Variants in ERN1 observed in about 807,000 individuals in gnomAD.
ERN1 encodes endoplasmic reticulum to nucleus signaling 1, also known as serine/threonine-protein kinase/endoribonuclease IRE1.
A neutral mutation model predicts 113.1 loss-of-function variants in ERN1; 39 were observed. That is an observed-to-expected ratio of 0.34 (90% CI 0.27 to 0.45). The LOEUF is 0.45. ERN1 is among the 20% of genes least tolerant of loss of function. ERN1 has a pLI of 1.00. For synonymous variants in ERN1, 507 were observed against 515.9 expected (o/e 0.98, Z 0.23); for missense variants, 976 against 1,274.8 (o/e 0.77, Z 3.57).
chr17:64,056,533 C>T (rs1398259980), intron 12 of ERN1, among the ~76,000 whole-genome samples: 2 of 152,200 alleles, frequency 1.3e-5, no homozygotes, highest in African/African-American at 2.4e-5. Flanking sequence ...GTCCTGCTTC[C>T]GCCTTTCATC....
chr17:64,119,031 T>C (rs1439503380), intron 1 of ERN1, among the ~76,000 whole-genome samples: 1 of 152,202 alleles, frequency 6.6e-6, no homozygotes, highest in Non-Finnish European at 1.5e-5. Flanking sequence ...TTATGGAAGG[T>C]TCTTTTAAAA....
At chr17:64,125,184 AATAAG>A (rs1915048130) in intron 1 of ERN1, among the ~76,000 whole-genome samples, 1 of 152,204 alleles carries the variant, frequency 6.6e-6, no homozygotes, top group Non-Finnish European at 1.5e-5. Context: ...ATGTTTGGAA[AATAAG>A]ATAATAGAAG....
intron 3 of ERN1, chr17:64,080,268 T>C (rs759680043): frequency 1.3e-5 from 2 of 159,210 alleles, no homozygotes; most frequent in Non-Finnish European, 2.8e-5. Flanking sequence ...CCTCCGTCAG[T>C]AGCTTCCCTT....
intron 13 of ERN1, among the ~76,000 whole-genome samples, chr17:64,055,304 C>A (rs1227085916): frequency 1.3e-5 from 2 of 152,216 alleles, no homozygotes; most frequent in African/African-American, 4.8e-5. Context: ...AATTGGGGCT[C>A]TGACAACTGG....
intron 2 of ERN1, among the ~76,000 whole-genome samples, chr17:64,090,805 G>A (rs1052138665): frequency 1.3e-5 from 2 of 152,220 alleles, no homozygotes; most frequent in Admixed American, 6.5e-5. Flanking sequence ...AACAAGGCTA[G>A]ATACAAACCA....
chr17:64,119,575 A>G (rs1914902962), intron 1 of ERN1, among the ~76,000 whole-genome samples: 1 of 151,224 alleles, frequency 6.6e-6, no homozygotes, highest in Non-Finnish European at 1.5e-5. Context: ...TTTTTTTAGT[A>G]GAGACGGGGT....
At chr17:64,078,900 G>A (rs1913681449) in intron 4 of ERN1, among the ~76,000 whole-genome samples, 1 of 152,210 alleles carries the variant, frequency 6.6e-6, no homozygotes, top group Admixed American at 6.5e-5. Flanking sequence ...CAGCTACTCA[G>A]GAGGCTGAGG....
rs773517950 is a variant in ERN1, at chr17:64,057,869, A to G, written c.1331T>C (p.Met444Thr). 6.2e-7 allele frequency: 1 copy of G among 1,613,982 alleles called. No homozygotes were observed. The highest frequency in any genetic ancestry group is 8.5e-7 in the Non-Finnish European group (1 of 1,179,870). ...GAAGGTGCTCAGGATGATGGTAGCC[A>G]TGTCCTTAAGCATGGAGTCCACGGG... ...EAPVDSMLKD[M>T]ATIILSTFLL... Residue 444 changes from methionine to threonine, a missense_variant, in exon 12 of 22, where the codon ATG (methionine) becomes ACG (threonine). By Grantham distance (81) the Met-to-Thr change is moderately conservative. Coordinates refer to ENST00000433197, the MANE Select transcript of ERN1 (RefSeq NM_001433.5).
intron 1 of ERN1, among the ~76,000 whole-genome samples, chr17:64,115,895 C>T (rs1478226476): frequency 2.0e-5 from 3 of 152,170 alleles, no homozygotes; most frequent in Non-Finnish European, 4.4e-5. Flanking sequence ...CCTCATCTCT[C>T]CTCAGGCTTT....
intron 19 of ERN1, among the ~76,000 whole-genome samples, chr17:64,046,805 GCACTGCCC>G (rs1912527985): frequency 6.6e-6 from 1 of 152,238 alleles, no homozygotes; most frequent in African/African-American, 2.4e-5. Context: ...AAGGGGAAAA[GCACTGCCC>G]CACAAGCCTG....
At chr17:64,113,963 T>C (rs1048168120) in intron 1 of ERN1, among the ~76,000 whole-genome samples, 1 of 151,484 alleles carries the variant, frequency 6.6e-6, no homozygotes, top group African/African-American at 2.4e-5. Flanking sequence ...ATTACCGGCG[T>C]GAACCACCGT....
chr17:64,053,105 A>G, intron 16 of ERN1, 126 bp from the exon 17 acceptor site: 1 of 935,274 alleles, frequency 1.1e-6, no homozygotes, highest in East Asian at 2.7e-5. Flanking sequence ...CTGATTTTCA[A>G]CTATGTCGGA....
intron 7 of ERN1, among the ~76,000 whole-genome samples, chr17:64,067,589 A>T (rs1913274605): frequency 7.0e-6 from 1 of 143,316 alleles, no homozygotes. Context: ...CCTGGGGAAC[A>T]GAGGGAGAAC....
At chr17:64,081,749 C>CT (rs1468329546) in intron 2 of ERN1, among the ~76,000 whole-genome samples, 2 of 152,120 alleles carry the variant, frequency 1.3e-5, no homozygotes, top group African/African-American at 4.8e-5. Context: ...GTTTTTTTCT[C>CT]TAAGTCAATT....
chr17:64,089,280 C>G (rs1191886616), intron 2 of ERN1, among the ~76,000 whole-genome samples: 1 of 135,038 alleles, frequency 7.4e-6, no homozygotes, highest in Non-Finnish European at 1.5e-5. Context: ...GATCGTGCCA[C>G]TGCACCCCAG....
chr17:64,086,093 A>G (rs925779124), intron 2 of ERN1, among the ~76,000 whole-genome samples: 28 of 152,264 alleles, frequency 1.8e-4, no homozygotes, highest in African/African-American at 6.7e-4. Flanking sequence ...AAGGATCTTC[A>G]ACTCCTCCTT....
chr17:64,102,177 T>C (rs1470127796), intron 1 of ERN1, among the ~76,000 whole-genome samples: 1 of 152,104 alleles, frequency 6.6e-6, no homozygotes, highest in Admixed American at 6.5e-5. Context: ...TCCCAGCTAC[T>C]TGGGAGGCTG....
intron 2 of ERN1, among the ~76,000 whole-genome samples, chr17:64,082,452 CAAG>C (rs1913796277): frequency 2.0e-5 from 3 of 152,174 alleles, no homozygotes; most frequent in Admixed American, 2.0e-4. Flanking sequence ...GCATGCAAGC[CAAG>C]AAGAGCAAGA....
At position 64,073,704 on chromosome 17, in the gene ERN1, G is replaced by A. The variant is rs189442636; in HGVS notation, c.355+1471C>T. Among the ~76,000 whole-genome samples the A allele has an allele frequency of 8.5e-5, 13 of 152,170 alleles. No individual in the cohort carries two copies. The East Asian group carries it at 2.1e-3, about 25-fold the overall frequency. ...GATGGGGTTTCACTGTGTTAGCCAG[G>A]ATGGTCTCGATCTCCTGACCTCGTG... On this transcript the variant is annotated intron_variant, in intron 5 of 21. Transcript: ENST00000433197.
Sources: gnomAD v4.1 joint callset for allele counts (sites outside exome capture counted in the v4.1 genomes callset) on GRCh38, gnomAD v4.1.1 for gene constraint, MANE v1.5 for transcripts, NCBI Gene and HGNC (gene_info 2026-07-23, HGNC 2026-07-21) for gene names.